IQSEC1: variants seen among roughly 807,000 people sequenced by gnomAD.
IQSEC1 encodes the protein IQ motif and SEC7 domain-containing protein 1.
IQSEC1 carries 31 observed loss-of-function variants against 91.0 expected under a neutral mutation model. That is an observed-to-expected ratio of 0.34 (90% CI 0.26 to 0.46). IQSEC1 has a LOEUF of 0.46. IQSEC1 is among the 20% of genes least tolerant of loss of function. The probability of loss-of-function intolerance (pLI) is 1.00; values close to 1 mark genes in which losing one functional copy is unlikely to be tolerated. For missense variants in IQSEC1, 1,388 were observed against 1,575.6 expected, an observed-to-expected ratio of 0.88 and a Z score of 2.02; for synonymous variants, 699 against 662.6, an observed-to-expected ratio of 1.05 and a Z score of -0.84.
intron 1 of IQSEC1, among the ~76,000 whole-genome samples, chr3:12,942,403 C>T (rs775596848): frequency 1.7e-4 from 26 of 151,860 alleles, no homozygotes; most frequent in Admixed American, 3.9e-4. Flanking sequence ...GAAATTGAGA[C>T]CATCCTGGCT....
At chr3:13,227,340 C>CA (rs919626428) in intron 1 of IQSEC1, among the ~76,000 whole-genome samples, 6 of 126,754 alleles carry the variant, frequency 4.7e-5, no homozygotes, top group African/African-American at 1.8e-4. Context: ...TGCGCCATTG[C>CA]ATTCCAGCCT....
intron 2 of IQSEC1, among the ~76,000 whole-genome samples, chr3:13,084,618 C>G (rs2125132114): frequency 6.6e-6 from 1 of 152,330 alleles, no homozygotes; most frequent in Admixed American, 6.5e-5. Flanking sequence ...CTGCCAGTCC[C>G]ATTCTCCTGC....
chr3:13,231,974 T>C (rs1212051451), intron 1 of IQSEC1, among the ~76,000 whole-genome samples: 1 of 152,262 alleles, frequency 6.6e-6, no homozygotes, highest in Non-Finnish European at 1.5e-5. Flanking sequence ...CGGATGTCAC[T>C]GCCTCCCCTG....
intron 3 of IQSEC1, among the ~76,000 whole-genome samples, chr3:12,926,615 G>A (rs887022978): frequency 6.6e-6 from 1 of 152,194 alleles, no homozygotes; most frequent in Non-Finnish European, 1.5e-5. Flanking sequence ...GGGTGTAATC[G>A]GCCAGGTCAT....
At chr3:13,073,713 C>A (rs185126939), upstream of IQSEC1, among the ~76,000 whole-genome samples, 2 of 152,274 alleles carry the variant, frequency 1.3e-5, no homozygotes, top group African/African-American at 4.8e-5. Flanking sequence ...TTTCTGCCTT[C>A]GGCACTGAGA....
chr3:13,213,230 A>G (rs762845940), intron 1 of IQSEC1, among the ~76,000 whole-genome samples: 67 of 152,236 alleles, frequency 4.4e-4, no homozygotes, highest in Non-Finnish European at 8.8e-5. Flanking sequence ...GGCCTGAAGC[A>G]AGAGTCCAGA....
chr3:13,162,844 G>A (rs1707202656), intron 2 of IQSEC1, among the ~76,000 whole-genome samples: 2 of 152,060 alleles, frequency 1.3e-5, no homozygotes, highest in African/African-American at 4.8e-5. Flanking sequence ...GGGGCCTGCT[G>A]CCCCCTCCCT....
intron 1 of IQSEC1, among the ~76,000 whole-genome samples, chr3:13,261,660 C>T (rs1212976857): frequency 6.6e-6 from 1 of 152,146 alleles, no homozygotes; most frequent in East Asian, 1.9e-4. Context: ...CCTGAGCTCC[C>T]AGGGCAGAGC....
intron 1 of IQSEC1, among the ~76,000 whole-genome samples, chr3:13,192,526 G>A (rs1694054581): frequency 6.6e-6 from 1 of 152,136 alleles, no homozygotes; most frequent in Non-Finnish European, 1.5e-5. Flanking sequence ...CTGCGGAGGT[G>A]GAGGTGGAGA....
Position 12,935,586 on chromosome 3 carries a change from G to A in IQSEC1, c.1430C>T (p.Ser477Phe). Residue 477 changes from serine to phenylalanine, a missense_variant, in exon 3 of 14, where the codon TCC becomes TTC. Transcript: ENST00000613206. The surrounding 1 kb of genome is among the most constrained non-coding windows in gnomAD (Gnocchi z 8.0). ...CGTCTGCTCCCGCAGGCTGTCACGG[G>A]ACGATGACTCGGAGCTGCAGTTGAT... ...DTINCSSESS[S>F]RDSLREQTLS... 1 of 1,614,114 alleles carries A rather than the reference G, an allele frequency of 6.2e-7. No homozygotes were observed. The highest frequency in any genetic ancestry group is 8.5e-7 in the Non-Finnish European group (1 of 1,180,014).
chr3:13,114,438 T>A (rs2124874588), intron 2 of IQSEC1, among the ~76,000 whole-genome samples: 1 of 152,314 alleles, frequency 6.6e-6, no homozygotes, highest in East Asian at 1.9e-4. Flanking sequence ...AGGAAAAGTC[T>A]GTATAGGTAT....
At chr3:13,082,776 C>T (rs954626738) in intron 2 of IQSEC1, among the ~76,000 whole-genome samples, 5 of 152,226 alleles carry the variant, frequency 3.3e-5, no homozygotes, top group Non-Finnish European at 5.9e-5. Flanking sequence ...CCTGTGCGGA[C>T]GCCTCCCCCT....
rs1002488395 is a variant in IQSEC1 at position 12,935,227 on chromosome 3, A to G, written c.1568+221T>C. ...GAAAGCTCCCATTCTGCCCCTGCTC[A>G]GCCTGTGTGTGTTGCCATCCCCACC... On this transcript the variant is annotated intron_variant, in intron 3 of 13. Transcript: ENST00000613206. This position sits in a 1 kb window ranked among gnomAD's most constrained non-coding sequence, Gnocchi z 8.0. Among the ~76,000 whole-genome samples, 6 of 152,218 alleles carry G rather than the reference A, an allele frequency of 3.9e-5. No individual in the cohort carries two copies. Among genetic ancestry groups the G allele is most frequent in the Non-Finnish European group, 8.8e-5 (6 of 68,030 alleles).
rs1702123416 is a variant in IQSEC1, at chr3:12,994,168, CG to C, written c.24-52304del. Reference sequence around the variant, plus strand: ...CGTCCGGTGGCCGGGCGCGGGGGGGCGGGGGCGGGCGCTCGGGAGCCGGAGC... The same window carrying C: ...CGTCCGGTGGCCGGGCGCGGGGGGGCGGGGCGGGCGCTCGGGAGCCGGAGC... On this transcript the variant is annotated intron_variant, in intron 1 of 13. Transcript: ENST00000613206. This position sits in a 1 kb window ranked among gnomAD's most constrained non-coding sequence, Gnocchi z 4.5. 6.8e-6 allele frequency among the ~76,000 whole-genome samples: 1 copy of C among 146,506 alleles called. No homozygotes were observed. Among genetic ancestry groups the C allele is most frequent in the African/African-American group, 2.5e-5 (1 of 40,754 alleles).
rs921781931 is a variant in IQSEC1, at chr3:12,924,824, C to T, written c.1569-82G>A. The T allele has an allele frequency of 9.0e-6, 12 of 1,333,620 alleles. No individual in the cohort carries two copies. The highest frequency in any genetic ancestry group is 5.2e-5 in the East Asian group (2 of 38,256). The allele number at this position is 1,333,620 out of a possible 1,614,324, so 82.6% of individuals were successfully genotyped here. ...CTGGAGGGGATCTCCGCTCAGTGGA[C>T]GGTCGACATTCTCCCTCCCTGCCCA... On this transcript the variant is annotated intron_variant, in intron 3 of 13. Transcript: ENST00000613206. The surrounding 1 kb of genome is among the most constrained non-coding windows in gnomAD (Gnocchi z 6.3).
intron 1 of IQSEC1, among the ~76,000 whole-genome samples, chr3:13,054,440 C>T (rs1576219411): frequency 6.6e-6 from 1 of 152,258 alleles, no homozygotes; most frequent in South Asian, 2.1e-4. Flanking sequence ...ACACGCCAGG[C>T]CCTGGCCCTG....
intron 9 of IQSEC1, among the ~76,000 whole-genome samples, chr3:12,912,628 C>T (rs1575876131): frequency 7.4e-6 from 1 of 135,896 alleles, no homozygotes; most frequent in East Asian, 2.2e-4. Context: ...TGCGCCACTG[C>T]AGTCCGCAGT....
At chr3:13,002,086 AAAC>A (rs984907461) in intron 1 of IQSEC1, among the ~76,000 whole-genome samples, 3 of 152,060 alleles carry the variant, frequency 2.0e-5, no homozygotes, top group Non-Finnish European at 2.9e-5. Flanking sequence ...ACAAACAAAC[AAAC>A]AACAACAACA....
intron 2 of IQSEC1, among the ~76,000 whole-genome samples, chr3:13,160,227 T>A (rs1707152371): frequency 6.6e-6 from 1 of 152,130 alleles, no homozygotes; most frequent in Non-Finnish European, 1.5e-5. Flanking sequence ...GCAACTCCGA[T>A]CATTTGAGTC....
Sources: allele counts gnomAD v4.1 joint callset (sites outside exome capture counted in the v4.1 genomes callset), GRCh38; gene constraint gnomAD v4.1.1; non-coding constraint Gnocchi (gnomAD v3.1); transcripts MANE v1.5; gene names NCBI Gene and HGNC (gene_info 2026-07-23, HGNC 2026-07-21).